PASK: variants seen among roughly 807,000 people sequenced by gnomAD.
The protein encoded by PASK is PAS domain-containing serine/threonine-protein kinase.
In PASK, 110 loss-of-function variants were observed where a neutral mutation model predicts 121.0. That is an observed-to-expected ratio of 0.91 (90% CI 0.78 to 1.06). PASK has a LOEUF of 1.06. PASK is among the 50% of genes least tolerant of loss of function. PASK has a pLI of 0.00. For missense variants in PASK, 1,643 were observed against 1,702.3 expected (o/e 0.97, Z 0.61); for synonymous variants, 686 against 717.8 (o/e 0.96, Z 0.71).
chr2:241,132,938 T>C lies in PASK; in HGVS notation c.1399A>G (p.Thr467Ala), dbSNP rs766018375. The change falls in exon 9 of 18, where the codon ACT (threonine) becomes GCT (alanine). Residue 467 changes from threonine to alanine, a missense_variant. Physicochemically the swap from Thr to Ala is moderately conservative, Grantham distance 58 (BLOSUM62 0). Transcript: ENST00000234040. Reference protein sequence around the residue: ...LMESQDIFTGTQTELIAGGQL... With the variant: ...LMESQDIFTGAQTELIAGGQL... ...CCTCCAGCAATCAGCTCAGTCTGAG[T>C]CCCGGTGAAGATGTCTTGGCTTTCC... 2 of 1,613,944 alleles carry C rather than the reference T, an allele frequency of 1.2e-6. No homozygotes were observed. The highest frequency in any genetic ancestry group is 8.5e-7 in the Non-Finnish European group (1 of 1,179,882).
intron 10 of PASK, 27 bp downstream of exon 10, chr2:241,126,169 C>G: frequency 1.2e-6 from 2 of 1,611,378 alleles, no homozygotes; most frequent in African/African-American, 1.3e-5. Flanking sequence ...GAGCACCACA[C>G]TTCTTCCTAT....
chr2:241,145,496 G>A (rs899578301), intron 1 of PASK, among the ~76,000 whole-genome samples: 9 of 152,114 alleles, frequency 5.9e-5, no homozygotes, highest in African/African-American at 1.7e-4. Flanking sequence ...AAGTTTTTAG[G>A]AGAAAAGAGG....
In PASK at chr2:241,140,767, C is replaced by A. The variant is rs556704678; in HGVS notation, c.197-14G>T. The A allele has an allele frequency of 4.5e-6, 7 of 1,561,786 alleles. No individual in the cohort carries two copies. The highest frequency in any genetic ancestry group is 2.7e-5 in the African/African-American group (2 of 73,964). On this transcript the variant is annotated splice_polypyrimidine_tract_variant and intron_variant, in intron 2 of 17. Coordinates refer to ENST00000234040, the MANE Select transcript of PASK (RefSeq NM_015148.4). ...TCCATCTGTCTTCTGAAAAGAGAAGCGAAGCGAAGCTTTAGACTTCACACA... is the reference window on the plus strand; with the variant it reads ...TCCATCTGTCTTCTGAAAAGAGAAGAGAAGCGAAGCTTTAGACTTCACACA...
intron 9 of PASK, among the ~76,000 whole-genome samples, chr2:241,131,437 C>T (rs769188596): frequency 3.9e-5 from 6 of 152,180 alleles, no homozygotes; most frequent in East Asian, 3.8e-4. Flanking sequence ...CGTGATCCAC[C>T]GCGCCTGGCC....
At chr2:241,118,274 T>A (rs559972034) in intron 12 of PASK, among the ~76,000 whole-genome samples, 1 of 150,718 alleles carries the variant, frequency 6.6e-6, no homozygotes, top group East Asian at 1.9e-4. Flanking sequence ...CATAACTTAC[T>A]ACAGAGCTAC....
At chr2:241,127,785 C>T (rs2065946066) in intron 9 of PASK, 2 of 385,036 alleles carry the variant, frequency 5.2e-6, no homozygotes, top group Non-Finnish European at 9.9e-6. Flanking sequence ...GCCTCGGCCC[C>T]ACCTGCAAGG....
intron 7 of PASK, 150 bp from the exon 8 acceptor site, chr2:241,136,189 G>A (rs552830033): frequency 5.6e-5 from 41 of 727,198 alleles, no homozygotes; most frequent in Non-Finnish European, 9.0e-5. Flanking sequence ...AATGCCCTTC[G>A]ACGCACCTGA....
At chr2:241,123,674 C>A (rs373395985) in intron 11 of PASK, among the ~76,000 whole-genome samples, 23 of 152,110 alleles carry the variant, frequency 1.5e-4, no homozygotes, top group East Asian at 1.4e-3. Context: ...CAAAATTAGC[C>A]AGGCGTGGTG....
intron 1 of PASK, among the ~76,000 whole-genome samples, chr2:241,145,085 T>G (rs917780647): frequency 7.2e-5 from 11 of 152,250 alleles, no homozygotes; most frequent in Middle Eastern, 3.4e-3. Flanking sequence ...GGCTAATTTT[T>G]GGTATTTTTA....
intron 1 of PASK, among the ~76,000 whole-genome samples, chr2:241,147,229 T>C (rs374851773): frequency 6.6e-6 from 1 of 152,216 alleles, no homozygotes; most frequent in Admixed American, 6.5e-5. Flanking sequence ...CAGAATACAT[T>C]GTAAATGTTG....
rs187703458 is a variant in PASK at position 241,124,284 on chromosome 2, A to G, written c.2720-151T>C. The G allele has an allele frequency of 1.4e-4, 99 of 707,382 alleles. No homozygotes were observed. The African/African-American group carries it at 1.5e-3, about 11-fold the overall frequency. The allele number at this position is 707,382 out of a possible 1,614,324, so 43.8% of individuals were successfully genotyped here. On this transcript the variant is annotated intron_variant, in intron 10 of 17. Coordinates refer to ENST00000234040, the MANE Select transcript of PASK (RefSeq NM_015148.4). ...TCAATCCCCAGAACACAGACCAGAG[A>G]GCAGCCCAGGCAGAGGCAGGCAGCA...
chr2:241,142,913 C>G lies in PASK; in HGVS notation c.120G>C (p.Ser40=). 1 of 1,614,088 alleles carries G rather than the reference C, an allele frequency of 6.2e-7. No individual in the cohort carries two copies. Among genetic ancestry groups the G allele is most frequent in the Non-Finnish European group, 8.5e-7 (1 of 1,179,972 alleles). Residue 40 remains serine, a synonymous_variant, in exon 2 of 18, where the codon TCG becomes TCC. Transcript: ENST00000234040. ...TCAGGTGTCTGTGGGCTGAGGAAAACGACCTGCTGGGCTCAGCAGTGGTCT... is the reference window on the plus strand; with the variant it reads ...TCAGGTGTCTGTGGGCTGAGGAAAAGGACCTGCTGGGCTCAGCAGTGGTCT... ...AAQTTAEPSR[S]FSSAHRHLSR...
At chr2:241,109,401 G>T (rs1156642321) in intron 15 of PASK, 1 of 152,554 alleles carries the variant, frequency 6.6e-6, no homozygotes, top group Non-Finnish European at 1.5e-5. Flanking sequence ...GCAGCTGGGG[G>T]TCTGTCCCCA....
rs1175990848 is a variant in PASK, at chr2:241,108,309, A to T, written c.3534-9T>A. The T allele has an allele frequency of 6.2e-7, 1 of 1,613,766 alleles. No homozygotes were observed. Among genetic ancestry groups the T allele is most frequent in the East Asian group, 2.2e-5 (1 of 44,882 alleles). On this transcript the variant is annotated splice_polypyrimidine_tract_variant and intron_variant, in intron 15 of 17. Transcript: ENST00000234040. This position sits in a 1 kb window ranked among gnomAD's most constrained non-coding sequence, Gnocchi z 5.2. The stretch of plus-strand genomic sequence containing the variant: ...GCTCCGGCCCTCTGTAGCTGTGAGG[A>T]GGAGGAGGCATCAGGACGCCACGGC...
chr2:241,137,230 C>T lies in PASK; in HGVS notation c.911G>A (p.Arg304Lys). The T allele has an allele frequency of 6.2e-7, 1 of 1,613,506 alleles. No individual in the cohort carries two copies. The highest frequency in any genetic ancestry group is 8.5e-7 in the Non-Finnish European group (1 of 1,179,420). ...GCTCAGAGGGAAGGTGGTACCGTCCCTGGCTCTTCCAACAGACCTCTGAAT... is the reference window on the plus strand; with the variant it reads ...GCTCAGAGGGAAGGTGGTACCGTCCTTGGCTCTTCCAACAGACCTCTGAAT... Reference protein sequence around the residue: ...LKIQRSVGRARDGTTFPLSLK... With the variant: ...LKIQRSVGRAKDGTTFPLSLK... The change falls in exon 7 of 18, where the codon AGG becomes AAG. Residue 304 changes from arginine to lysine, a missense_variant. This residue lies in a region of PASK where 1,176 missense variants were observed against 1,162.2 expected (regional missense o/e 1.01). Coordinates refer to ENST00000234040, the MANE Select transcript of PASK (RefSeq NM_015148.4).
In PASK at chr2:241,137,048, C is replaced by T. The variant is rs145134713; in HGVS notation, c.1093G>A (p.Ala365Thr). The T allele has an allele frequency of 1.5e-5, 25 of 1,613,542 alleles. No homozygotes were observed. The highest frequency in any genetic ancestry group is 2.0e-5 in the Non-Finnish European group (24 of 1,179,978). ...GTIHGINHSF[A>T]LTLFGYGKTE... ...TTTCCGTAACCAAACAGTGTCAGCG[C>T]GAAGCTGTGGTTGATGCCGTGGATG... Residue 365 changes from alanine to threonine, a missense_variant, in exon 7 of 18, where the codon GCG becomes ACG. By Grantham distance (58) the Ala-to-Thr change is moderately conservative. Transcript: ENST00000234040.
At chr2:241,150,278 TC>T (rs375554279), upstream of PASK, 77 of 1,319,276 alleles carry the variant, frequency 5.8e-5, no homozygotes, top group African/African-American at 1.0e-3. Flanking sequence ...TCCAGACTGT[TC>T]CGGCTCCGCC....
At chr2:241,140,266 G>A (rs1195738987) in intron 3 of PASK, among the ~76,000 whole-genome samples, 1 of 152,084 alleles carries the variant, frequency 6.6e-6, no homozygotes, top group Non-Finnish European at 1.5e-5. Flanking sequence ...CTGGGTTCAA[G>A]TGATCCTCCT....
chr2:241,118,600 G>A (rs908588029), intron 12 of PASK: 1 of 166,536 alleles, frequency 6.0e-6, no homozygotes, highest in African/African-American at 2.4e-5. Flanking sequence ...GAGAAAACAT[G>A]GGAGTAAATC....
Sources: gnomAD v4.1 joint callset for allele counts (sites outside exome capture counted in the v4.1 genomes callset) on GRCh38, gnomAD v4.1.1 for gene constraint, gnomAD v4.1.1 regional missense constraint, Gnocchi (gnomAD v3.1) non-coding constraint, MANE v1.5 for transcripts, NCBI Gene and HGNC (gene_info 2026-07-23, HGNC 2026-07-21) for gene names.